Variants in ZNF280D observed in about 807,000 individuals in gnomAD.
ZNF280D encodes the protein zinc finger protein 280D.
In ZNF280D, 39 loss-of-function variants were observed where a neutral mutation model predicts 94.7. That is an observed-to-expected ratio of 0.41 (90% CI 0.32 to 0.54). The LOEUF is 0.54. Ranked by LOEUF, ZNF280D falls within the 20% of genes least tolerant of loss-of-function variation. The pLI is 0.22. For synonymous variants in ZNF280D, 398 were observed against 377.6 expected (o/e 1.05, Z -0.63); for missense variants, 1,090 against 1,149.3 (o/e 0.95, Z 0.75).
chr15:56,688,489 C>CAAAAAAAA (rs55861049), intron 9 of ZNF280D, among the ~76,000 whole-genome samples: 2 of 76,680 alleles, frequency 2.6e-5, no homozygotes, highest in East Asian at 3.7e-4. Context: ...GACTCCGTCT[C>CAAAAAAAA]AAAAAAAAAA....
At chr15:56,712,216 A>G (rs1377338853) in intron 1 of ZNF280D, among the ~76,000 whole-genome samples, 1 of 152,204 alleles carries the variant, frequency 6.6e-6, no homozygotes, top group Non-Finnish European at 1.5e-5. Context: ...AAAAATTTTA[A>G]CCCTCATATA....
intron 10 of ZNF280D, among the ~76,000 whole-genome samples, chr15:56,681,925 A>C (rs1289736774): frequency 2.0e-5 from 3 of 152,100 alleles, no homozygotes; most frequent in Non-Finnish European, 2.9e-5. Context: ...GAAATATAAA[A>C]TTCAAAGGCA....
Position 56,703,282 on chromosome 15 carries a change from T to C in ZNF280D, c.175+839A>G, listed in dbSNP as rs187289415. Among the ~76,000 whole-genome samples the C allele has an allele frequency of 3.8e-4, 58 of 152,306 alleles. 1 individual carries two copies. The East Asian group carries it at 0.011, about 28-fold the overall frequency. ...AGTACAGTGGCTGTAGACAGCGCCATTCTCTTTCATGAATATAAAAAGGAG... is the reference window on the plus strand; with the variant it reads ...AGTACAGTGGCTGTAGACAGCGCCACTCTCTTTCATGAATATAAAAAGGAG... On this transcript the variant is annotated intron_variant, in intron 4 of 21. Coordinates refer to ENST00000267807, the MANE Select transcript of ZNF280D (RefSeq NM_017661.4).
At chr15:56,681,601 C>T (rs907493082) in intron 10 of ZNF280D, among the ~76,000 whole-genome samples, 2 of 152,044 alleles carry the variant, frequency 1.3e-5, no homozygotes, top group East Asian at 3.8e-4. Context: ...CACTCAATTT[C>T]TTATTACTTT....
intron 6 of ZNF280D, 65 bp downstream of exon 6, chr15:56,700,868 G>C: frequency 1.2e-6 from 2 of 1,612,664 alleles, no homozygotes; most frequent in Non-Finnish European, 8.5e-7. Flanking sequence ...ACTGGGTACT[G>C]TTGATATTGA....
At chr15:56,722,851 G>A (rs1738918977) in intron 1 of ZNF280D, among the ~76,000 whole-genome samples, 1 of 151,744 alleles carries the variant, frequency 6.6e-6, no homozygotes, top group East Asian at 1.9e-4. Context: ...ATGATAGACT[G>A]GATTAAGAAA....
At chr15:56,650,955 C>A (rs955348515) in intron 19 of ZNF280D, among the ~76,000 whole-genome samples, 1 of 152,170 alleles carries the variant, frequency 6.6e-6, no homozygotes, top group Admixed American at 6.6e-5. Flanking sequence ...CTACCCCATA[C>A]TCCTTTATCA....
chr15:56,723,137 G>A (rs1270414899), intron 1 of ZNF280D, among the ~76,000 whole-genome samples: 1 of 151,608 alleles, frequency 6.6e-6, no homozygotes, highest in Non-Finnish European at 1.5e-5. Flanking sequence ...TAGATGACGA[G>A]TTAGTGGGTG....
chr15:56,670,840 A>G (rs1189597888), intron 13 of ZNF280D, among the ~76,000 whole-genome samples: 1 of 152,028 alleles, frequency 6.6e-6, no homozygotes, highest in Non-Finnish European at 1.5e-5. Context: ...CCTTGCTAGC[A>G]TCTATTATTT....
Position 56,689,540 on chromosome 15 carries a change from A to G in ZNF280D, c.500-70T>C, listed in dbSNP as rs986505035. 7 of 977,686 alleles carry G rather than the reference A, an allele frequency of 7.2e-6. No individual in the cohort carries two copies. The African/African-American group carries it at 1.2e-4, about 16-fold the overall frequency. The allele number at this position is 977,686 out of a possible 1,614,324, so 60.6% of individuals were successfully genotyped here. A position where few individuals can be genotyped will look rare whatever the true frequency, so the allele number is the denominator to read the frequency against. On this transcript the variant is annotated intron_variant, in intron 7 of 21. Coordinates refer to ENST00000267807, the MANE Select transcript of ZNF280D (RefSeq NM_017661.4). The stretch of plus-strand genomic sequence containing the variant: ...ATATTATTTACATCTGAGTAAAAAT[A>G]TTTTGGAGCTAAATTAAAGGTAATA...
intron 1 of ZNF280D, chr15:56,729,957 A>C (rs1015772031): frequency 2.0e-5 from 3 of 152,206 alleles, no homozygotes; most frequent in Admixed American, 1.3e-4. Flanking sequence ...TTATTTTTCT[A>C]AGTACATACA....
At chr15:56,733,409 G>A (rs2059004669) in intron 1 of ZNF280D, 49 bp downstream of exon 1, 3 of 987,884 alleles carry the variant, frequency 3.0e-6, no homozygotes, top group Non-Finnish European at 3.7e-6. Flanking sequence ...GCGCGGGAGG[G>A]CCTCTGCCTG....
intron 9 of ZNF280D, among the ~76,000 whole-genome samples, chr15:56,687,844 C>T (rs376183655): frequency 9.9e-5 from 15 of 152,174 alleles, no homozygotes; most frequent in African/African-American, 3.4e-4. Context: ...TGGCTCTGTA[C>T]GTATATAAGA....
chr15:56,717,734 GTA>G (rs1466712019), intron 1 of ZNF280D, among the ~76,000 whole-genome samples: 1 of 152,072 alleles, frequency 6.6e-6, no homozygotes, highest in African/African-American at 2.4e-5. Flanking sequence ...TACAGGGTAA[GTA>G]TCTCGCCCAA....
intron 16 of ZNF280D, among the ~76,000 whole-genome samples, chr15:56,661,755 A>G (rs191704121): frequency 6.6e-6 from 1 of 152,316 alleles, no homozygotes; most frequent in East Asian, 1.9e-4. Context: ...TGTGAAAATT[A>G]CAGTCAGGAA....
chr15:56,686,282 C>T (rs1305678937), intron 9 of ZNF280D, among the ~76,000 whole-genome samples: 3 of 152,066 alleles, frequency 2.0e-5, no homozygotes, highest in East Asian at 1.9e-4. Context: ...GGACTACAGG[C>T]GTGTGTCACC....
At chr15:56,656,922 A>G (rs943066333) in intron 17 of ZNF280D, among the ~76,000 whole-genome samples, 3 of 152,160 alleles carry the variant, frequency 2.0e-5, no homozygotes, top group African/African-American at 7.2e-5. Context: ...TCACTCAATC[A>G]AAGTAGAGGC....
At chr15:56,677,990 C>T (rs1416053739) in intron 11 of ZNF280D, among the ~76,000 whole-genome samples, 1 of 151,320 alleles carries the variant, frequency 6.6e-6, no homozygotes, top group Non-Finnish European at 1.5e-5. Context: ...CTTGCTCCAA[C>T]ATCTGTAATT....
chr15:56,723,235 A>AAAT (rs1567043059), intron 1 of ZNF280D, among the ~76,000 whole-genome samples: 3,544 of 150,808 alleles, frequency 0.024, 73 homozygotes, highest in South Asian at 0.054. Flanking sequence ...TAATAATAAA[A>AAAT]AAATAAATAA....
Sources: allele counts gnomAD v4.1 joint callset (sites outside exome capture counted in the v4.1 genomes callset), GRCh38; gene constraint gnomAD v4.1.1; transcripts MANE v1.5; gene names NCBI Gene and HGNC (gene_info 2026-07-23, HGNC 2026-07-21).